The following FMO2 variants were observed in gnomAD, a reference collection of about 807,000 sequenced individuals.
FMO2 encodes the protein flavin containing dimethylaniline monoxygenase 2, also known as flavin-containing monooxygenase 2.
A neutral mutation model predicts 41.6 loss-of-function variants in FMO2; 33 were observed. That is an observed-to-expected ratio of 0.79 (90% CI 0.60 to 1.06). FMO2 has a LOEUF of 1.06. Among genes scored for constraint, FMO2 ranks in the 50% least tolerant of loss-of-function variants. The pLI is 0.00. For synonymous variants in FMO2, 214 were observed against 219.6 expected (o/e 0.97, Z 0.23); for missense variants, 619 against 632.9 (o/e 0.98, Z 0.23).
intron 2 of FMO2, among the ~76,000 whole-genome samples, chr1:171,188,745 A>C (rs1657957062): frequency 6.6e-6 from 1 of 152,102 alleles, no homozygotes. Flanking sequence ...GGGATTACTT[A>C]ACATATTTGG....
In FMO2 at chr1:171,209,240, A is replaced by T; in HGVS notation, c.*95A>T. 1 of 412,702 alleles carries T rather than the reference A, an allele frequency of 2.4e-6. No homozygotes were observed. Among genetic ancestry groups the T allele is most frequent in the Non-Finnish European group, 4.3e-6 (1 of 234,988 alleles). 25.6% of individuals were successfully genotyped at this position (412,702 alleles called of 1,614,324 possible). ...AGAAAAAACATTACATTCATGTTCTAATTATAGATTTTAGAGTTAGGTAGT... is the reference window on the plus strand; with the variant it reads ...AGAAAAAACATTACATTCATGTTCTTATTATAGATTTTAGAGTTAGGTAGT... On this transcript the variant is annotated 3_prime_UTR_variant, in exon 9 of 9. Transcript: ENST00000209929.
Position 171,205,308 on chromosome 1 carries a change from A to T in FMO2, c.857A>T (p.Asp286Val). Residue 286 changes from aspartate to valine, a missense_variant, in exon 7 of 9, where the codon GAT (aspartate) becomes GTT (valine). Coordinates refer to ENST00000209929, the MANE Select transcript of FMO2 (RefSeq NM_001460.5). ...KYIMKEPVLN[D>V]DVPSRLLCGA... ...ATTATGAAGGAACCTGTACTAAATGATGATGTCCCAAGTCGTCTACTCTGT... is the reference window on the plus strand; with the variant it reads ...ATTATGAAGGAACCTGTACTAAATGTTGATGTCCCAAGTCGTCTACTCTGT... The T allele has an allele frequency of 1.2e-6, 2 of 1,612,390 alleles. No homozygotes were observed. Among genetic ancestry groups the T allele is most frequent in the South Asian group, 2.2e-5 (2 of 90,960 alleles).
At chr1:171,201,423 C>G (rs1571286116) in intron 5 of FMO2, among the ~76,000 whole-genome samples, 1 of 152,160 alleles carries the variant, frequency 6.6e-6, no homozygotes. Context: ...ACCTCTTACA[C>G]AGAGTAATAT....
At chr1:171,190,881 C>T (rs1658055013) in intron 2 of FMO2, among the ~76,000 whole-genome samples, 1 of 152,276 alleles carries the variant, frequency 6.6e-6, no homozygotes, top group East Asian at 1.9e-4. Context: ...CGCGGTGGCT[C>T]ACGCCTGTAA....
Position 171,190,899 on chromosome 1 carries a change from A to C in FMO2, c.133-2436A>C, listed in dbSNP as rs1296259423. 2.0e-5 allele frequency among the ~76,000 whole-genome samples: 3 copies of C among 152,182 alleles called. No homozygotes were observed. The East Asian group carries it at 5.8e-4, about 29-fold the overall frequency. Reference sequence around the variant, plus strand: ...GGTGGCTCACGCCTGTAATCCCAGCACTTTGGGAGGCTGAGGCAGGTGGAT... The same window carrying C: ...GGTGGCTCACGCCTGTAATCCCAGCCCTTTGGGAGGCTGAGGCAGGTGGAT... On this transcript the variant is annotated intron_variant, in intron 2 of 8. Coordinates refer to ENST00000209929, the MANE Select transcript of FMO2 (RefSeq NM_001460.5).
chr1:171,189,346 T>C (rs1657980752), intron 2 of FMO2, among the ~76,000 whole-genome samples: 1 of 150,106 alleles, frequency 6.7e-6, no homozygotes, highest in South Asian at 2.2e-4. Context: ...TTCCTCTAAG[T>C]TCAATCTGAA....
chr1:171,189,804 C>T (rs2101981012), intron 2 of FMO2, among the ~76,000 whole-genome samples: 1 of 151,942 alleles, frequency 6.6e-6, no homozygotes, highest in East Asian at 1.9e-4. Flanking sequence ...CACATCTGGA[C>T]CCATCTTCTA....
chr1:171,203,669 G>T (rs1658629564), intron 5 of FMO2, among the ~76,000 whole-genome samples, 196 bp from the exon 6 acceptor site: 1 of 152,120 alleles, frequency 6.6e-6, no homozygotes, highest in African/African-American at 2.4e-5. Flanking sequence ...TCAAGATTTT[G>T]TTGCAGTCTT....
rs779631490 is a variant in FMO2, at chr1:171,203,977, T to G, written c.740T>G (p.Leu247Arg). 1 of 1,613,788 alleles carries G rather than the reference T, an allele frequency of 6.2e-7. No individual in the cohort carries two copies. Among genetic ancestry groups the G allele is most frequent in the Non-Finnish European group, 8.5e-7 (1 of 1,179,762 alleles). The change falls in exon 6 of 9, where the codon CTG (leucine) becomes CGG (arginine). Residue 247 changes from leucine to arginine, a missense_variant. By Grantham distance (102) the Leu-to-Arg change is moderately radical. Transcript: ENST00000209929. ...TRFRSMLRNV[L>R]PRTAVKWMIE... is the part of the protein sequence containing the mutation. Reference sequence around the variant, plus strand: ...TTTCGTTCTATGCTCCGCAATGTACTGCCACGAACAGCTGTAAAATGGATG... The same window carrying G: ...TTTCGTTCTATGCTCCGCAATGTACGGCCACGAACAGCTGTAAAATGGATG...
rs1268365285 is a variant in FMO2, at chr1:171,212,505, T to A, written c.*3360T>A. ...CTTGTGATGGCTCCCTTTACTAACCTTTCTTTTAGCTATTCCCTTTATGAT... is the reference window on the plus strand; with the variant it reads ...CTTGTGATGGCTCCCTTTACTAACCATTCTTTTAGCTATTCCCTTTATGAT... On this transcript the variant is annotated 3_prime_UTR_variant, in exon 9 of 9. Coordinates refer to ENST00000209929, the MANE Select transcript of FMO2 (RefSeq NM_001460.5). Among the ~76,000 whole-genome samples, 2 of 152,208 alleles carry A rather than the reference T, an allele frequency of 1.3e-5. No homozygotes were observed. The highest frequency in any genetic ancestry group is 4.8e-5 in the African/African-American group (2 of 41,444).
In FMO2 at chr1:171,205,338, C is replaced by G; in HGVS notation, c.887C>G (p.Ala296Gly). The change falls in exon 7 of 9, where the codon GCC becomes GGC. Residue 296 changes from alanine to glycine, a missense_variant. Ala to Gly is a moderately conservative substitution (Grantham distance 60, BLOSUM62 0). Transcript: ENST00000209929. Reference sequence around the variant, plus strand: ...GTCCCAAGTCGTCTACTCTGTGGAGCCATCAAGGTGAAATCTACAGTGAAA... The same window carrying G: ...GTCCCAAGTCGTCTACTCTGTGGAGGCATCAAGGTGAAATCTACAGTGAAA... ...DDVPSRLLCGAIKVKSTVKEL... is the reference protein window; with the variant it reads ...DDVPSRLLCGGIKVKSTVKEL... 1.2e-6 allele frequency: 2 copies of G among 1,613,664 alleles called. No individual in the cohort carries two copies. The highest frequency in any genetic ancestry group is 1.7e-6 in the Non-Finnish European group (2 of 1,179,720).
intron 2 of FMO2, among the ~76,000 whole-genome samples, chr1:171,192,346 T>C (rs1241413514): frequency 6.6e-6 from 1 of 152,196 alleles, no homozygotes; most frequent in African/African-American, 2.4e-5. Flanking sequence ...TTAATATGTA[T>C]AGTTAACAAT....
At chr1:171,189,659 CTT>C (rs397827245) in intron 2 of FMO2, among the ~76,000 whole-genome samples, 2,866 of 121,432 alleles carry the variant, frequency 0.024, 93 homozygotes, top group African/African-American at 0.08. Context: ...TTTTTCTTTT[CTT>C]TTTTTTTTTT....
intron 3 of FMO2, among the ~76,000 whole-genome samples, chr1:171,194,650 A>C (rs1391255005): frequency 6.6e-6 from 1 of 152,196 alleles, no homozygotes; most frequent in Non-Finnish European, 1.5e-5. Flanking sequence ...GGTCCCAGCT[A>C]TTCTAGACTG....
intron 6 of FMO2, among the ~76,000 whole-genome samples, chr1:171,204,761 A>G (rs542678965): frequency 2.0e-5 from 3 of 152,340 alleles, no homozygotes; most frequent in African/African-American, 7.2e-5. Flanking sequence ...CCATGCTATT[A>G]CTAACAGAGA....
intron 2 of FMO2, among the ~76,000 whole-genome samples, chr1:171,188,239 T>G (rs911590774): frequency 2.0e-5 from 3 of 152,112 alleles, no homozygotes; most frequent in Non-Finnish European, 4.4e-5. Context: ...GCCAACAATA[T>G]GATTTGATGA....
intron 2 of FMO2, among the ~76,000 whole-genome samples, chr1:171,192,286 T>C (rs1658114459): frequency 6.6e-6 from 1 of 152,166 alleles, no homozygotes; most frequent in Non-Finnish European, 1.5e-5. Flanking sequence ...TATATCCTTG[T>C]ATATGAGACA....
At chr1:171,203,145 C>T (rs1658601853) in intron 5 of FMO2, among the ~76,000 whole-genome samples, 1 of 151,976 alleles carries the variant, frequency 6.6e-6, no homozygotes, top group South Asian at 2.1e-4. Flanking sequence ...AAATTTGAGA[C>T]CGACCTGGGC....
At position 171,212,374 on chromosome 1, in the gene FMO2, C is replaced by A. The variant is rs1332829274; in HGVS notation, c.*3229C>A. Among the ~76,000 whole-genome samples, 2 of 152,148 alleles carry A rather than the reference C, an allele frequency of 1.3e-5. No individual in the cohort carries two copies. Among genetic ancestry groups the A allele is most frequent in the Non-Finnish European group, 2.9e-5 (2 of 68,038 alleles). On this transcript the variant is annotated 3_prime_UTR_variant, in exon 9 of 9. Coordinates refer to ENST00000209929, the MANE Select transcript of FMO2 (RefSeq NM_001460.5). ...TTGGTCTTGAATTTCCTAGCCTCTA[C>A]AACTAAGCCAAATAAATTTCTGTTT...
Sources: gnomAD v4.1 joint callset for allele counts (sites outside exome capture counted in the v4.1 genomes callset) on GRCh38, gnomAD v4.1.1 for gene constraint, MANE v1.5 for transcripts, NCBI Gene and HGNC (gene_info 2026-07-23, HGNC 2026-07-21) for gene names.